TJAP1: variants seen among roughly 807,000 people sequenced by gnomAD.
TJAP1 encodes the protein tight junction-associated protein 1.
Under a neutral mutation model 42.0 loss-of-function variants are expected in TJAP1, and 27 were observed. The ratio of observed to expected loss-of-function variants is 0.64; its 90% CI spans 0.47 to 0.89. TJAP1 has a LOEUF of 0.89. Ranked by LOEUF, TJAP1 falls within the 40% of genes least tolerant of loss-of-function variation. The pLI is 0.00. For missense variants in TJAP1, 712 were observed against 726.9 expected (o/e 0.98, Z 0.24); for synonymous variants, 257 against 288.4 (o/e 0.89, Z 1.10).
chr6:43,492,583 C>T lies in TJAP1; in HGVS notation c.-121-5298C>T, dbSNP rs1019119076. The stretch of plus-strand genomic sequence containing the variant: ...CTGGTGGCAAGCAGGAGGGGTACCC[C>T]GGAGACGATGTGGGCGAGGCCGAAC... On this transcript the variant is annotated intron_variant, in intron 2 of 10. Coordinates refer to ENST00000372449, the Ensembl canonical transcript of TJAP1. This position sits in a 1 kb window ranked among gnomAD's most constrained non-coding sequence, Gnocchi z 4.2. Among the ~76,000 whole-genome samples the T allele has an allele frequency of 2.0e-5, 3 of 152,256 alleles. No homozygotes were observed. The highest frequency in any genetic ancestry group is 3.9e-4 in the East Asian group (2 of 5,176).
At chr6:43,501,219 G>C in intron 5 of TJAP1, 1 of 402,456 alleles carries the variant, frequency 2.5e-6, no homozygotes, top group South Asian at 3.8e-5. Context: ...GCTGTAACCA[G>C]AGACAGGCTG....
intron 2 of TJAP1, among the ~76,000 whole-genome samples, chr6:43,484,848 C>G (rs910619653): frequency 2.0e-5 from 3 of 152,350 alleles, no homozygotes; most frequent in East Asian, 3.9e-4. Flanking sequence ...GCCTCGGCCT[C>G]CTGAGTAGCT....
At chr6:43,482,767 G>A (rs1035469430) in intron 2 of TJAP1, among the ~76,000 whole-genome samples, 16 of 152,284 alleles carry the variant, frequency 1.1e-4, no homozygotes, top group Admixed American at 9.2e-4. Context: ...ATAAAATGTG[G>A]TCAGCAGTCT....
chr6:43,503,207 C>T lies in TJAP1; in HGVS notation c.388-194C>T, dbSNP rs1369244950. On this transcript the variant is annotated intron_variant, in intron 8 of 10. Coordinates refer to ENST00000372449, the Ensembl canonical transcript of TJAP1. ...GGCAGGAAGTCATGCTAAGAAAGCC[C>T]CCACCCCACAGCCAGTCCAGAGAGC... The T allele has an allele frequency of 8.4e-6, 5 of 594,670 alleles. No individual in the cohort carries two copies. The East Asian group carries it at 1.4e-4, about 17-fold the overall frequency. 36.8% of individuals were successfully genotyped at this position (594,670 alleles called of 1,614,324 possible). A position where few individuals can be genotyped will look rare whatever the true frequency, so the allele number is the denominator to read the frequency against.
rs1189190065 is a variant in TJAP1 at position 43,501,705 on chromosome 6, C to CAG, written c.290+20_290+21dup. 1.6e-6 allele frequency: 1 copy of CAG among 627,096 alleles called. No homozygotes were observed. Among genetic ancestry groups the CAG allele is most frequent in the African/African-American group, 2.5e-5 (1 of 39,688 alleles). The allele number at this position is 627,096 out of a possible 1,614,324, so 38.8% of individuals were successfully genotyped here. On this transcript the variant is annotated intron_variant, in intron 6 of 10. Transcript: ENST00000372449. ...TTCCGCAGGTGTGGGAATGAGGGGC[C>CAG]AGACACACACACACACACACACACA... is the stretch of plus-strand genomic sequence containing the variant.
chr6:43,483,785 G>A (rs1340023987), intron 2 of TJAP1, among the ~76,000 whole-genome samples: 1 of 152,208 alleles, frequency 6.6e-6, no homozygotes, highest in Non-Finnish European at 1.5e-5. Flanking sequence ...TTGGCTGGGT[G>A]TAGTAGCTCA....
chr6:43,503,786 C>T, intron 10 of TJAP1, 80 bp downstream of exon 10: 1 of 1,263,860 alleles, frequency 7.9e-7, no homozygotes, highest in Non-Finnish European at 1.2e-6. Flanking sequence ...GTTTCTGCAC[C>T]TCTCTCTGTC....
intron 2 of TJAP1, among the ~76,000 whole-genome samples, chr6:43,489,315 G>T (rs1430267052): frequency 5.9e-5 from 9 of 152,222 alleles, no homozygotes; most frequent in African/African-American, 2.2e-4. Context: ...AGTCCCTGTT[G>T]CTCCTCTGGG....
At chr6:43,487,813 TTG>T (rs1007775037) in intron 2 of TJAP1, among the ~76,000 whole-genome samples, 8 of 151,902 alleles carry the variant, frequency 5.3e-5, no homozygotes, top group Non-Finnish European at 1.2e-4. Flanking sequence ...CCTGCCTAAC[TTG>T]TTTCCCCAAA....
At chr6:43,481,083 G>A (rs1150798) in intron 2 of TJAP1, among the ~76,000 whole-genome samples, 131,090 of 152,186 alleles carry the variant, frequency 0.86, 56,669 homozygotes, top group African/African-American at 0.9. Flanking sequence ...TTGTTTGTCA[G>A]GATGGTTAAA....
chr6:43,488,103 C>T (rs1027227591), intron 2 of TJAP1, among the ~76,000 whole-genome samples: 1 of 152,196 alleles, frequency 6.6e-6, no homozygotes, highest in Non-Finnish European at 1.5e-5. Flanking sequence ...AATTCCTGAC[C>T]TCAGGTGATC....
intron 8 of TJAP1, 185 bp downstream of exon 8, chr6:43,502,802 C>T (rs796875356): frequency 4.2e-6 from 3 of 710,370 alleles, no homozygotes; most frequent in African/African-American, 3.5e-5. Context: ...GCCTAGCCTG[C>T]TCTGCCCTTG....
chr6:43,486,929 G>A (rs1786667708), intron 2 of TJAP1, among the ~76,000 whole-genome samples: 5 of 152,212 alleles, frequency 3.3e-5, no homozygotes, highest in Admixed American at 1.3e-4. Context: ...GTCCCTGGGT[G>A]TGAGAATGTG....
intron 6 of TJAP1, 92 bp from the exon 7 acceptor site, chr6:43,502,191 G>T (rs925900153): frequency 7.6e-7 from 1 of 1,309,132 alleles, no homozygotes; most frequent in Non-Finnish European, 1.1e-6. Flanking sequence ...GAGGGAGAAT[G>T]ACATGTTCAA....
intron 2 of TJAP1, among the ~76,000 whole-genome samples, chr6:43,486,005 T>C (rs1248323356): frequency 2.0e-5 from 3 of 151,728 alleles, no homozygotes; most frequent in Admixed American, 1.3e-4. Context: ...AGAGTCTTGC[T>C]CTGTTGCTCA....
At chr6:43,484,200 G>A (rs1202163542) in intron 2 of TJAP1, among the ~76,000 whole-genome samples, 2 of 152,072 alleles carry the variant, frequency 1.3e-5, no homozygotes, top group African/African-American at 2.4e-5. Flanking sequence ...GCTCATGCCT[G>A]TCAATCCCAG....
chr6:43,501,953 TC>T (rs1292583506), intron 6 of TJAP1, among the ~76,000 whole-genome samples: 1 of 141,674 alleles, frequency 7.1e-6, no homozygotes, highest in Non-Finnish European at 1.5e-5. Context: ...TCTCTCTCTC[TC>T]TCCTTTCATA....
intron 2 of TJAP1, among the ~76,000 whole-genome samples, chr6:43,480,727 G>A (rs1355322716): frequency 6.6e-6 from 1 of 152,184 alleles, no homozygotes; most frequent in Non-Finnish European, 1.5e-5. Context: ...CATTGGTCAT[G>A]CTGGTGTCAA....
Position 43,501,434 on chromosome 6 carries a change from A to C in TJAP1, c.129-92A>C, listed in dbSNP as rs1790489917. The C allele has an allele frequency of 3.4e-6, 4 of 1,175,120 alleles. No homozygotes were observed. In the South Asian group the frequency reaches 5.7e-5, roughly 17 times the overall value. The allele number at this position is 1,175,120 out of a possible 1,614,324, so 72.8% of individuals were successfully genotyped here. A position where few individuals can be genotyped will look rare whatever the true frequency, so the allele number is the denominator to read the frequency against. On this transcript the variant is annotated intron_variant, in intron 5 of 10. Transcript: ENST00000372449. ...TGTCCTGTTTGCCTGTCCTCATGTC[A>C]TCCCTTCCTTCCTGAGCCCACTCTG...
Sources: gnomAD v4.1 joint callset for allele counts (sites outside exome capture counted in the v4.1 genomes callset) on GRCh38, gnomAD v4.1.1 for gene constraint, Gnocchi (gnomAD v3.1) non-coding constraint, MANE v1.5 for transcripts, NCBI Gene and HGNC (gene_info 2026-07-23, HGNC 2026-07-21) for gene names.